The following ZFAT variants were observed in gnomAD, a reference collection of about 807,000 sequenced individuals.
The protein encoded by ZFAT is zinc finger and AT-hook domain containing, also known as zinc finger protein ZFAT.
Under a neutral mutation model 117.7 loss-of-function variants are expected in ZFAT, and 64 were observed. The observed-to-expected ratio is 0.54, with a 90% CI of 0.44 to 0.67. The LOEUF is 0.67. ZFAT is among the 30% of genes least tolerant of loss of function. ZFAT has a pLI of 0.00. For missense variants in ZFAT, 1,433 were observed against 1,584.5 expected, an observed-to-expected ratio of 0.90 and a Z score of 1.62; for synonymous variants, 679 against 615.0, an observed-to-expected ratio of 1.10 and a Z score of -1.54.
intron 7 of ZFAT, chr8:134,594,945 T>C (rs1201060259): frequency 1.3e-5 from 2 of 152,230 alleles, no homozygotes; most frequent in Non-Finnish European, 2.9e-5. Flanking sequence ...CTGCACTTCC[T>C]GCTGCCTCAC....
intron 15 of ZFAT, among the ~76,000 whole-genome samples, chr8:134,493,129 G>A (rs1426891170): frequency 6.6e-6 from 1 of 152,198 alleles, no homozygotes; most frequent in Non-Finnish European, 1.5e-5. Context: ...ACAGTGCAAA[G>A]CCTAAGCTGT....
At chr8:134,687,083 C>G (rs1312817469) in intron 1 of ZFAT, among the ~76,000 whole-genome samples, 1 of 152,190 alleles carries the variant, frequency 6.6e-6, no homozygotes, top group Non-Finnish European at 1.5e-5. Flanking sequence ...TATGAACCAA[C>G]CCTCCTGCCT....
chr8:134,540,577 A>C (rs958677652), intron 11 of ZFAT, among the ~76,000 whole-genome samples: 1 of 152,136 alleles, frequency 6.6e-6, no homozygotes, highest in Admixed American at 6.5e-5. Flanking sequence ...ATCACCTTCA[A>C]AGGCTACGAA....
Position 134,478,705 on chromosome 8 carries a change from G to T in ZFAT, c.3509C>A (p.Pro1170His), listed in dbSNP as rs1252210694. 6.4e-7 allele frequency: 1 copy of T among 1,570,060 alleles called. No individual in the cohort carries two copies. Among genetic ancestry groups the T allele is most frequent in the Admixed American group, 1.8e-5 (1 of 54,122 alleles). ...TVVKQVTEEE[P>H]SSNHTVMIQE... The stretch of plus-strand genomic sequence containing the variant: ...GATCATGACCGTGTGGTTGGAGCTG[G>T]GCTCCTCCTCGGTGACCTGCGGGAG... Residue 1170 changes from proline to histidine, a missense_variant, in exon 16 of 16, where the codon CCC becomes CAC. By Grantham distance (77) the Pro-to-His change is moderately conservative. Around this residue, in one of 5 missense-constraint regions of ZFAT, gnomAD observed 503 missense variants for 543.4 expected, o/e 0.93. Coordinates refer to ENST00000377838, the MANE Select transcript of ZFAT (RefSeq NM_020863.4). This position sits in a 1 kb window ranked among gnomAD's most constrained non-coding sequence, Gnocchi z 5.2.
the ZFAT span, among the ~76,000 whole-genome samples, chr8:134,747,212 C>A: frequency 1.3e-5 from 2 of 152,132 alleles, no homozygotes; most frequent in East Asian, 3.9e-4. Context: ...CCTCAGCCTC[C>A]CAAGTAGCTA....
At chr8:134,816,980 C>CA in the ZFAT span, among the ~76,000 whole-genome samples, 290 of 67,168 alleles carry the variant, frequency 4.3e-3, no homozygotes, top group African/African-American at 7.3e-3. Context: ...GACTCCATCT[C>CA]AAAAAAAAAA....
At chr8:134,759,970 CAAA>C in the ZFAT span, among the ~76,000 whole-genome samples, 1 of 53,178 alleles carries the variant, frequency 1.9e-5, no homozygotes, top group Non-Finnish European at 3.3e-5. Context: ...GACTCCGTCT[CAAA>C]AAAAAAAAAA....
At chr8:134,675,673 A>G (rs1832764033) in intron 1 of ZFAT, among the ~76,000 whole-genome samples, 1 of 152,196 alleles carries the variant, frequency 6.6e-6, no homozygotes, top group African/African-American at 2.4e-5. Flanking sequence ...CAAGGTTGAA[A>G]TGAAGGCAAC....
the ZFAT span, among the ~76,000 whole-genome samples, chr8:134,823,175 C>T: frequency 1.3e-5 from 2 of 152,220 alleles, no homozygotes; most frequent in East Asian, 3.9e-4. Context: ...ATCCATCCAA[C>T]GGGAACAGCC....
intron 8 of ZFAT, among the ~76,000 whole-genome samples, chr8:134,588,955 T>C (rs1826257851): frequency 6.6e-6 from 1 of 152,200 alleles, no homozygotes; most frequent in Non-Finnish European, 1.5e-5. Flanking sequence ...TAAACGTTTT[T>C]ATGGAGGAAT....
chr8:134,719,464 G>A, the ZFAT span, among the ~76,000 whole-genome samples: 1 of 152,154 alleles, frequency 6.6e-6, no homozygotes, highest in African/African-American at 2.4e-5. Flanking sequence ...AGCAGCGAGG[G>A]TGAGAGCCAA....
chr8:134,593,922 C>A (rs558532634), intron 7 of ZFAT, among the ~76,000 whole-genome samples: 64 of 152,294 alleles, frequency 4.2e-4, no homozygotes, highest in African/African-American at 1.5e-3. Flanking sequence ...TGTGTCAACA[C>A]GTGGAACCCA....
chr8:134,781,230 A>G, the ZFAT span, among the ~76,000 whole-genome samples: 1 of 152,082 alleles, frequency 6.6e-6, no homozygotes, highest in African/African-American at 2.4e-5. Context: ...TGCTCAAGCA[A>G]TCTTCCCACC....
At chr8:134,545,607 T>C (rs1049319491) in intron 11 of ZFAT, among the ~76,000 whole-genome samples, 2 of 152,224 alleles carry the variant, frequency 1.3e-5, no homozygotes, top group African/African-American at 4.8e-5. Flanking sequence ...GTTTTTGCCA[T>C]TAAAAGTAAG....
chr8:134,637,857 G>T, intron 2 of ZFAT, 145 bp from the exon 3 acceptor site: 1 of 1,133,392 alleles, frequency 8.8e-7, no homozygotes, highest in Non-Finnish European at 1.2e-6. Flanking sequence ...ATTAACAGCT[G>T]CAAACAATTA....
chr8:134,618,749 A>T (rs1167819463), intron 3 of ZFAT, among the ~76,000 whole-genome samples: 1 of 152,246 alleles, frequency 6.6e-6, no homozygotes, highest in Non-Finnish European at 1.5e-5. Flanking sequence ...TGCACAAAAG[A>T]AATAAATAAT....
intron 10 of ZFAT, among the ~76,000 whole-genome samples, chr8:134,577,920 C>T (rs1030631488): frequency 6.6e-6 from 1 of 152,074 alleles, no homozygotes; most frequent in African/African-American, 2.4e-5. Flanking sequence ...AAGCCACGGG[C>T]GTCTGGATTA....
rs1817026692 is a variant in ZFAT, at chr8:134,478,372, G to A, written c.*110C>T. ...CCTATCAGGCTGCTGGGCAGGGAGGGCAAAGGAGAGCACCATTCTGCGGGT... is the reference window on the plus strand; with the variant it reads ...CCTATCAGGCTGCTGGGCAGGGAGGACAAAGGAGAGCACCATTCTGCGGGT... On this transcript the variant is annotated 3_prime_UTR_variant, in exon 16 of 16. Transcript: ENST00000377838. The surrounding 1 kb of genome is among the most constrained non-coding windows in gnomAD (Gnocchi z 5.2). 1.4e-6 allele frequency: 2 copies of A among 1,450,898 alleles called. No homozygotes were observed. The highest frequency in any genetic ancestry group is 1.8e-6 in the Non-Finnish European group (2 of 1,093,480). The allele number at this position is 1,450,898 out of a possible 1,614,324, so 89.9% of individuals were successfully genotyped here.
intron 2 of ZFAT, among the ~76,000 whole-genome samples, chr8:134,650,268 G>A (rs541180202): frequency 3.3e-5 from 5 of 151,684 alleles, no homozygotes; most frequent in African/African-American, 1.2e-4. Flanking sequence ...TGGGACTACA[G>A]GCCCACGTGC....
Sources: gnomAD v4.1 joint callset for allele counts (sites outside exome capture counted in the v4.1 genomes callset) on GRCh38, gnomAD v4.1.1 for gene constraint, gnomAD v4.1.1 regional missense constraint, Gnocchi (gnomAD v3.1) non-coding constraint, MANE v1.5 for transcripts, NCBI Gene and HGNC (gene_info 2026-07-23, HGNC 2026-07-21) for gene names.